Variants in EXOSC10 observed in about 807,000 individuals in gnomAD.
EXOSC10 encodes exosome component 10, also known as exosome complex component 10.
A neutral mutation model predicts 126.6 loss-of-function variants in EXOSC10; 94 were observed. The ratio of observed to expected loss-of-function variants is 0.74; its 90% confidence interval spans 0.63 to 0.88. The LOEUF (loss-of-function observed/expected upper bound fraction) is 0.88. Among genes scored for constraint, EXOSC10 ranks in the 40% least tolerant of loss-of-function variants. The pLI, the probability that EXOSC10 is intolerant of heterozygous loss-of-function variation, is 0.00. For synonymous variants in EXOSC10, 395 were observed against 400.8 expected (o/e 0.99, Z 0.17); for missense variants, 1,041 against 1,100.5 (o/e 0.95, Z 0.77).
intron 20 of EXOSC10, 155 bp from the exon 21 acceptor site, chr1:11,071,128 G>T (rs1459624397): frequency 1.6e-6 from 1 of 636,400 alleles, no homozygotes; most frequent in Non-Finnish European, 2.7e-6. Context: ...TGCAGGACAG[G>T]CTGCCTCAGA....
chr1:11,082,940 A>T (rs1557707197), intron 9 of EXOSC10, 62 bp from the exon 10 acceptor site: 1 of 1,303,354 alleles, frequency 7.7e-7, no homozygotes, highest in Non-Finnish European at 1.1e-6. Context: ...TCAGAAATTA[A>T]CTCTGCCTCT....
chr1:11,082,219 T>C (rs1640208791), intron 10 of EXOSC10, among the ~76,000 whole-genome samples: 1 of 152,080 alleles, frequency 6.6e-6, no homozygotes. Flanking sequence ...GAGCAAGGCC[T>C]GCAGGAAGTG....
intron 2 of EXOSC10, 43 bp downstream of exon 2, chr1:11,097,977 C>A (rs182500579): frequency 2.7e-6 from 4 of 1,456,608 alleles, no homozygotes; most frequent in East Asian, 5.2e-5. Context: ...TCTTTGTTTT[C>A]ATTTCTTTTC....
At chr1:11,087,382 G>T in intron 9 of EXOSC10, 66 bp downstream of exon 9, 5 of 1,578,972 alleles carry the variant, frequency 3.2e-6, no homozygotes, top group Non-Finnish European at 4.3e-6. Context: ...TAATGAAATA[G>T]TACACTGAAA....
At chr1:11,091,659 C>T in intron 3 of EXOSC10, 62 bp from the exon 4 acceptor site, 2 of 1,248,302 alleles carry the variant, frequency 1.6e-6, no homozygotes, top group East Asian at 2.3e-5. Flanking sequence ...AGTTAACTAC[C>T]TAACATTTTA....
intron 13 of EXOSC10, among the ~76,000 whole-genome samples, chr1:11,080,067 A>C (rs1248527233): frequency 1.3e-5 from 2 of 152,248 alleles, no homozygotes; most frequent in East Asian, 3.9e-4. Context: ...GCTGAAAGTA[A>C]GTGCCATAGC....
chr1:11,069,647 T>C lies in EXOSC10; in HGVS notation c.2400A>G (p.Lys800=). 6.2e-6 allele frequency: 10 copies of C among 1,614,192 alleles called. No individual in the cohort carries two copies. The highest frequency in any genetic ancestry group is 1.1e-5 in the South Asian group (1 of 91,076). The change falls in exon 22 of 25, where the codon AAA becomes AAG. Residue 800 remains lysine (K), a synonymous_variant. Coordinates refer to ENST00000376936, the MANE Select transcript of EXOSC10 (RefSeq NM_001001998.3). The part of the protein sequence containing the change: ...TEQKQEKKRL[K]ISKKPKDPEP... ...CTGGGTCCTTTGGCTTCTTGGAAAT[T>C]TTGAGTCGTTTCTTCTCTTGTTTCT...
chr1:11,092,588 G>A (rs540135769), intron 3 of EXOSC10, among the ~76,000 whole-genome samples: 1 of 148,510 alleles, frequency 6.7e-6, no homozygotes, highest in Non-Finnish European at 1.5e-5. Context: ...TCCAATCTCA[G>A]CTTGCTGCAG....
intron 20 of EXOSC10, 93 bp downstream of exon 20, chr1:11,071,994 C>T (rs1639525174): frequency 9.8e-7 from 1 of 1,016,290 alleles, no homozygotes; most frequent in Admixed American, 2.1e-5. Flanking sequence ...ACAGGGGCTT[C>T]ATTCATCGCC....
At chr1:11,082,523 A>T (rs1640226519) in intron 10 of EXOSC10, 165 bp downstream of exon 10, 7 of 1,450,898 alleles carry the variant, frequency 4.8e-6, no homozygotes, top group Non-Finnish European at 6.3e-6. Flanking sequence ...TAGCATTAAA[A>T]AATTTCCTAC....
chr1:11,068,087 G>A lies in EXOSC10; in HGVS notation c.2551-3C>T. The A allele has an allele frequency of 6.2e-7, 1 of 1,613,776 alleles. No individual in the cohort carries two copies. The highest frequency in any genetic ancestry group is 8.5e-7 in the Non-Finnish European group (1 of 1,179,732). The stretch of plus-strand genomic sequence containing the variant: ...ATTTTTTTGGCTGCAATGCATTTCT[G>A]AAAAGAAAAGAAACCGTTTAAGCTG... On this transcript the variant is annotated splice_region_variant and splice_polypyrimidine_tract_variant and intron_variant, in intron 23 of 24. Transcript: ENST00000376936.
intron 9 of EXOSC10, among the ~76,000 whole-genome samples, chr1:11,083,562 CAAAAA>C (rs35412224): frequency 4.6e-5 from 3 of 65,898 alleles, no homozygotes; most frequent in East Asian, 4.4e-4. Context: ...AACTCCGTCT[CAAAAA>C]AAAAAAAAAA....
At chr1:11,096,590 C>T (rs1383644460) in intron 2 of EXOSC10, among the ~76,000 whole-genome samples, 1 of 150,730 alleles carries the variant, frequency 6.6e-6, no homozygotes, top group East Asian at 2.0e-4. Flanking sequence ...GATACTCCCA[C>T]CTCAGCCTCC....
At chr1:11,077,677 A>G in intron 14 of EXOSC10, 26 bp from the exon 15 acceptor site, 1 of 1,595,710 alleles carries the variant, frequency 6.3e-7, no homozygotes, top group Non-Finnish European at 8.6e-7. Flanking sequence ...AAGGGAATTG[A>G]GGAAAGTTGC....
chr1:11,080,677 A>C lies in EXOSC10; in HGVS notation c.1586+87T>G, dbSNP rs573289348. The C allele has an allele frequency of 6.4e-5, 103 of 1,600,522 alleles. No homozygotes were observed. The African/African-American group carries it at 1.3e-3, about 20-fold the overall frequency. On this transcript the variant is annotated intron_variant, in intron 12 of 24. Coordinates refer to ENST00000376936, the MANE Select transcript of EXOSC10 (RefSeq NM_001001998.3). ...CACATAGGGGAAATAACCAGCTTTC[A>C]TAGCAAAAGAAAAAAGCCCATTATT...
chr1:11,076,636 C>T (rs1317583253), intron 17 of EXOSC10, among the ~76,000 whole-genome samples: 3 of 151,742 alleles, frequency 2.0e-5, no homozygotes, highest in East Asian at 1.9e-4. Flanking sequence ...CAAGAGAATC[C>T]CCCATCCACG....
rs748095820 is a variant in EXOSC10, at chr1:11,070,989, C to G, written c.2243-16G>C. 5 of 1,612,852 alleles carry G rather than the reference C, an allele frequency of 3.1e-6. No individual in the cohort carries two copies. Among genetic ancestry groups the G allele is most frequent in the Non-Finnish European group, 4.2e-6 (5 of 1,179,480 alleles). ...TCCCGGGCAGCTGCAAGGGAGAGAACTTGTCTCTGGAGTTGGTGAATCCAG... is the reference window on the plus strand; with the variant it reads ...TCCCGGGCAGCTGCAAGGGAGAGAAGTTGTCTCTGGAGTTGGTGAATCCAG... On this transcript the variant is annotated splice_polypyrimidine_tract_variant and intron_variant, in intron 20 of 24. Transcript: ENST00000376936.
chr1:11,073,269 A>C (rs1191533360), intron 19 of EXOSC10, among the ~76,000 whole-genome samples: 1 of 152,096 alleles, frequency 6.6e-6, no homozygotes, highest in East Asian at 1.9e-4. Flanking sequence ...AGTAGCTGGG[A>C]CTACAGGCGC....
chr1:11,099,518 C>T (rs1302898797), intron 1 of EXOSC10, among the ~76,000 whole-genome samples: 1 of 152,214 alleles, frequency 6.6e-6, no homozygotes, highest in East Asian at 1.9e-4. Context: ...GACTTAGGCT[C>T]GCAAGCGGGA....
Sources: allele counts gnomAD v4.1 joint callset (sites outside exome capture counted in the v4.1 genomes callset), GRCh38; gene constraint gnomAD v4.1.1; transcripts MANE v1.5; gene names NCBI Gene and HGNC (gene_info 2026-07-23, HGNC 2026-07-21).